CYFIP1: variants seen among roughly 807,000 people sequenced by gnomAD.
The protein encoded by CYFIP1 is cytoplasmic FMR1 interacting protein 1.
A neutral mutation model predicts 163.5 loss-of-function variants in CYFIP1; 58 were observed. The observed-to-expected ratio is 0.35, with a 90% confidence interval of 0.29 to 0.44. The LOEUF (loss-of-function observed/expected upper bound fraction) is 0.44. CYFIP1 is among the 20% of genes least tolerant of loss of function. The probability of loss-of-function intolerance (pLI) is 1.00; values close to 1 mark genes in which losing one functional copy is unlikely to be tolerated. For missense variants in CYFIP1, 1,338 were observed against 1,653.8 expected, an observed-to-expected ratio of 0.81 and a Z score of 3.31; for synonymous variants, 663 against 660.7, an observed-to-expected ratio of 1.00 and a Z score of -0.05.
Position 22,892,989 on chromosome 15 carries a change from A to T in CYFIP1, c.2589-12T>A, listed in dbSNP as rs2060121191. The T allele has an allele frequency of 1.9e-6, 3 of 1,600,016 alleles. No individual in the cohort carries two copies. In the African/African-American group the frequency reaches 4.0e-5, roughly 21 times the overall value. On this transcript the variant is annotated splice_polypyrimidine_tract_variant and intron_variant, in intron 22 of 30. Coordinates refer to ENST00000617928, the MANE Select transcript of CYFIP1 (RefSeq NM_014608.6). ...CTGTCCGAACAAACCTAAACAAGAA[A>T]GATTTAAAAAAGAAAAAGAAACCAA... is the stretch of plus-strand genomic sequence containing the variant.
intron 13 of CYFIP1, among the ~76,000 whole-genome samples, 177 bp from the exon 14 acceptor site, chr15:22,919,035 T>C (rs539799137): frequency 6.6e-6 from 1 of 152,284 alleles, no homozygotes; most frequent in Non-Finnish European, 1.5e-5. Context: ...TCAATGGAAC[T>C]GTGCCCGCAT....
chr15:22,881,970 C>T lies in CYFIP1; in HGVS notation c.2821-34G>A, dbSNP rs543847352. On this transcript the variant is annotated intron_variant, in intron 24 of 30. Coordinates refer to ENST00000617928, the MANE Select transcript of CYFIP1 (RefSeq NM_014608.6). ...GAGATGAGACGGGCTGCGTCAGCCACCCCACTCCGCTCTGCTAACGCCTGT... is the reference window on the plus strand; with the variant it reads ...GAGATGAGACGGGCTGCGTCAGCCATCCCACTCCGCTCTGCTAACGCCTGT... The T allele has an allele frequency of 4.4e-6, 7 of 1,585,590 alleles. No homozygotes were observed. The South Asian group carries it at 6.6e-5, about 15-fold the overall frequency.
intron 10 of CYFIP1, 149 bp downstream of exon 10, chr15:22,933,653 C>T: frequency 1.6e-6 from 1 of 614,314 alleles, no homozygotes. Context: ...TAAATAGCCG[C>T]ATGTGGCAAA....
Position 22,873,686 on chromosome 15 carries a change from C to T in CYFIP1, c.3254G>A (p.Arg1085His), listed in dbSNP as rs376391385. 1.4e-5 allele frequency: 22 copies of T among 1,613,930 alleles called. No individual in the cohort carries two copies. Among genetic ancestry groups the T allele is most frequent in the East Asian group, 4.5e-5 (2 of 44,898 alleles). Residue 1085 changes from arginine (R) to histidine (H), a missense_variant, in exon 29 of 31, where the codon CGC (arginine) becomes CAC (histidine). Physicochemically the swap from Arg to His is conservative, Grantham distance 29. Transcript: ENST00000617928. ...AREGDLLTKE[R>H]LCCGLSMFEV... The stretch of plus-strand genomic sequence containing the variant: ...AAACATGGACAGGCCGCAGCAGAGG[C>T]GCTCCTTTGTCAGCAGGTCCCCCTC...
At chr15:22,888,326 G>A (rs2059980728) in intron 23 of CYFIP1, among the ~76,000 whole-genome samples, 2 of 152,214 alleles carry the variant, frequency 1.3e-5, no homozygotes, top group Admixed American at 1.3e-4. Context: ...GCTGTCTGCT[G>A]TGAGCACATG....
intron 26 of CYFIP1, among the ~76,000 whole-genome samples, chr15:22,875,890 A>ATT (rs1390056646): frequency 7.5e-6 from 1 of 133,024 alleles, no homozygotes; most frequent in African/African-American, 3.2e-5. Context: ...AATAACATAT[A>ATT]TATATATAAA....
chr15:22,952,150 C>A (rs1481160929), intron 1 of CYFIP1, among the ~76,000 whole-genome samples: 2 of 152,134 alleles, frequency 1.3e-5, no homozygotes, highest in Non-Finnish European at 2.9e-5. Context: ...AAAAACGCCG[C>A]ATGATTCCAC....
intron 11 of CYFIP1, among the ~76,000 whole-genome samples, chr15:22,929,013 G>C (rs932160778): frequency 6.6e-6 from 1 of 151,924 alleles, no homozygotes; most frequent in Non-Finnish European, 1.5e-5. Context: ...GAGGTCAGGA[G>C]TTCGAGATCA....
intron 22 of CYFIP1, among the ~76,000 whole-genome samples, chr15:22,900,522 C>T (rs1304289190): frequency 6.6e-6 from 1 of 151,868 alleles, no homozygotes; most frequent in Non-Finnish European, 1.5e-5. Flanking sequence ...CCTCAGCCTC[C>T]CAAGTAGCTG....
chr15:22,916,848 C>A (rs1331902556), intron 15 of CYFIP1: 2 of 1,553,000 alleles, frequency 1.3e-6, no homozygotes, highest in South Asian at 1.2e-5. Flanking sequence ...CGCCTCCGTG[C>A]CATAAACGTC....
intron 13 of CYFIP1, among the ~76,000 whole-genome samples, chr15:22,920,549 T>G (rs890942231): frequency 2.0e-5 from 3 of 152,216 alleles, no homozygotes; most frequent in Non-Finnish European, 4.4e-5. Flanking sequence ...ATTTTGGTGC[T>G]TTTCTTTTTC....
chr15:22,967,198 T>A (rs2062942348), intron 1 of CYFIP1, among the ~76,000 whole-genome samples: 1 of 152,166 alleles, frequency 6.6e-6, no homozygotes, highest in African/African-American at 2.4e-5. Flanking sequence ...CAGGAGCTGC[T>A]GGCAGCAACA....
At chr15:22,966,751 C>T (rs891262951) in intron 1 of CYFIP1, among the ~76,000 whole-genome samples, 13 of 151,986 alleles carry the variant, frequency 8.6e-5, no homozygotes, top group Non-Finnish European at 1.8e-4. Context: ...CCGAGACCCT[C>T]GCTCCAAGTT....
At position 22,885,214 on chromosome 15, in the gene CYFIP1, A is replaced by C. The variant is rs149416845; in HGVS notation, c.2677-2203T>G. Among the ~76,000 whole-genome samples, 1,067 of 152,218 alleles carry C rather than the reference A, an allele frequency of 7.0e-3. 11 individuals are homozygous for C. Among genetic ancestry groups the C allele is most frequent in the African/African-American group, 0.023 (973 of 41,514 alleles). On this transcript the variant is annotated intron_variant, in intron 23 of 30. Transcript: ENST00000617928. The stretch of plus-strand genomic sequence containing the variant: ...CATCCTCAGGCTGCAAATTTTCCAA[A>C]CTTTTATACTCTGCTTCCCTTTTAA...
chr15:22,873,149 GATAA>G (rs2059484222), intron 29 of CYFIP1, among the ~76,000 whole-genome samples, 177 bp from the exon 30 acceptor site: 2 of 152,116 alleles, frequency 1.3e-5, no homozygotes, highest in Admixed American at 6.5e-5. Flanking sequence ...CCCTGGTTTT[GATAA>G]ATAACTTTTT....
chr15:22,941,250 T>G (rs984664996), intron 6 of CYFIP1, among the ~76,000 whole-genome samples: 1 of 151,782 alleles, frequency 6.6e-6, no homozygotes, highest in Non-Finnish European at 1.5e-5. Context: ...TTTTTAGAGA[T>G]GGGGTCTTGC....
Position 22,880,039 on chromosome 15 carries a change from G to T in CYFIP1, c.2916C>A (p.Ile972=). The change falls in exon 26 of 31, where the codon ATC becomes ATA. Residue 972 remains isoleucine, a synonymous_variant. Transcript: ENST00000617928. ...LPRHEYGSPG[I]LEFFHHQLKD... is the part of the protein sequence containing the mutation. The stretch of plus-strand genomic sequence containing the variant: ...TCAGCTGGTGGTGGAAGAACTCCAG[G>T]ATACCTACGGTGGCGGGAGTGAGGT... The T allele has an allele frequency of 6.2e-7, 1 of 1,613,510 alleles. No homozygotes were observed. Among genetic ancestry groups the T allele is most frequent in the Non-Finnish European group, 8.5e-7 (1 of 1,179,800 alleles).
At chr15:22,933,208 G>A (rs1182072041) in intron 10 of CYFIP1, among the ~76,000 whole-genome samples, 1 of 152,074 alleles carries the variant, frequency 6.6e-6, no homozygotes, top group Admixed American at 6.5e-5. Flanking sequence ...GAATCCCTAG[G>A]ATGATGAAAG....
chr15:22,943,704 C>T (rs1312456650), intron 5 of CYFIP1, among the ~76,000 whole-genome samples: 1 of 152,078 alleles, frequency 6.6e-6, no homozygotes, highest in East Asian at 1.9e-4. Context: ...AGATTTTTTT[C>T]CTCTTGGTAA....
Sources: allele counts gnomAD v4.1 joint callset (sites outside exome capture counted in the v4.1 genomes callset), GRCh38; gene constraint gnomAD v4.1.1; transcripts MANE v1.5; gene names NCBI Gene and HGNC (gene_info 2026-07-23, HGNC 2026-07-21).